The following KCNMA1 variants were observed in gnomAD, a reference collection of about 807,000 sequenced individuals.
KCNMA1 encodes Calcium-activated potassium channel subunit alpha-1.
A neutral mutation model predicts 140.0 loss-of-function variants in KCNMA1; 29 were observed. That is an observed-to-expected ratio of 0.21 (90% CI 0.15 to 0.28). The LOEUF is 0.28. Among genes scored for constraint, KCNMA1 ranks in the 10% least tolerant of loss-of-function variants. The probability of loss-of-function intolerance (pLI) is 1.00; values close to 1 mark genes in which losing one functional copy is unlikely to be tolerated. For synonymous variants in KCNMA1, 612 were observed against 611.9 expected, an observed-to-expected ratio of 1.00 and a Z score of 0.00; for missense variants, 880 against 1,602.2, an observed-to-expected ratio of 0.55 and a Z score of 7.70.
At chr10:77,028,029 G>C (rs1316263275) in intron 15 of KCNMA1, 138 bp from the exon 16 acceptor site, 1 of 787,274 alleles carries the variant, frequency 1.3e-6, no homozygotes, top group African/African-American at 1.7e-5. Flanking sequence ...TGTGCCAAAG[G>C]GAGGGGGTGG....
chr10:77,152,337 T>C (rs764655121), intron 5 of KCNMA1, among the ~76,000 whole-genome samples: 19 of 149,972 alleles, frequency 1.3e-4, no homozygotes, highest in Non-Finnish European at 2.9e-5. Flanking sequence ...TTTTGTAAAA[T>C]GGGATGTCTC....
chr10:77,136,872 C>A (rs187490660), intron 5 of KCNMA1, among the ~76,000 whole-genome samples: 1 of 152,094 alleles, frequency 6.6e-6, no homozygotes, highest in East Asian at 1.9e-4. Flanking sequence ...TTCCTGGCTC[C>A]GAGCCCTGTA....
chr10:77,295,008 T>C (rs1287351070), intron 2 of KCNMA1, among the ~76,000 whole-genome samples: 1 of 152,194 alleles, frequency 6.6e-6, no homozygotes, highest in East Asian at 1.9e-4. Context: ...ATGTTGTAGC[T>C]GTTTTTAAAG....
chr10:77,598,722 G>T (rs567158154), intron 1 of KCNMA1, among the ~76,000 whole-genome samples: 1 of 152,176 alleles, frequency 6.6e-6, no homozygotes, highest in Non-Finnish European at 1.5e-5. Context: ...CCAAACAACC[G>T]CCTGGCTCTC....
intron 2 of KCNMA1, among the ~76,000 whole-genome samples, chr10:77,402,296 GCAAGTCACCTC>G (rs1345232621): frequency 6.6e-6 from 1 of 152,172 alleles, no homozygotes; most frequent in Non-Finnish European, 1.5e-5. Flanking sequence ...TCAGCCAACA[GCAAGTCACCTC>G]CAAGTCCCCA....
intron 1 of KCNMA1, among the ~76,000 whole-genome samples, chr10:77,564,321 C>T (rs968416016): frequency 6.6e-6 from 1 of 152,128 alleles, no homozygotes; most frequent in Non-Finnish European, 1.5e-5. Context: ...GCCTGTAACA[C>T]GAGCACTTTG....
At chr10:77,327,261 A>G (rs528571980) in intron 2 of KCNMA1, among the ~76,000 whole-genome samples, 1 of 151,728 alleles carries the variant, frequency 6.6e-6, no homozygotes, top group South Asian at 2.1e-4. Context: ...CCTGTCATCA[A>G]GAGCTTCACC....
chr10:77,002,338 A>G (rs2086745894), intron 18 of KCNMA1, among the ~76,000 whole-genome samples: 1 of 152,238 alleles, frequency 6.6e-6, no homozygotes, highest in Non-Finnish European at 1.5e-5. Context: ...ATGTTGCTCT[A>G]TTGGAATGCA....
At chr10:77,021,260 G>A (rs1446612609) in intron 16 of KCNMA1, among the ~76,000 whole-genome samples, 1 of 152,078 alleles carries the variant, frequency 6.6e-6, no homozygotes, top group Non-Finnish European at 1.5e-5. Flanking sequence ...AATGGGTCCT[G>A]GCTTTGCAAA....
At chr10:77,272,114 T>C (rs1221500535) in intron 2 of KCNMA1, among the ~76,000 whole-genome samples, 3 of 152,184 alleles carry the variant, frequency 2.0e-5, no homozygotes, top group Non-Finnish European at 4.4e-5. Context: ...ATTTCCTTCA[T>C]TGGCTTATCA....
At chr10:77,259,154 C>T (rs541807655) in intron 2 of KCNMA1, among the ~76,000 whole-genome samples, 1 of 152,050 alleles carries the variant, frequency 6.6e-6, no homozygotes, top group African/African-American at 2.4e-5. Context: ...TAAATTGATT[C>T]ACTGGAAACC....
At chr10:77,210,628 C>T (rs2045750375) in intron 3 of KCNMA1, among the ~76,000 whole-genome samples, 1 of 152,178 alleles carries the variant, frequency 6.6e-6, no homozygotes, top group Non-Finnish European at 1.5e-5. Context: ...CAAACTACCT[C>T]TCTTCACTGA....
At chr10:77,049,378 A>C (rs2095266622) in intron 14 of KCNMA1, among the ~76,000 whole-genome samples, 1 of 152,238 alleles carries the variant, frequency 6.6e-6, no homozygotes, top group African/African-American at 2.4e-5. Flanking sequence ...GAATGAGATG[A>C]TCAGTACAGA....
intron 1 of KCNMA1, among the ~76,000 whole-genome samples, chr10:77,567,281 T>C (rs1325549171): frequency 6.6e-6 from 1 of 152,218 alleles, no homozygotes; most frequent in Non-Finnish European, 1.5e-5. Context: ...GTTAACCACA[T>C]TCAGGCCCCT....
At chr10:77,334,970 C>T (rs2088244927) in intron 2 of KCNMA1, among the ~76,000 whole-genome samples, 1 of 152,050 alleles carries the variant, frequency 6.6e-6, no homozygotes, top group Admixed American at 6.6e-5. Flanking sequence ...TCAGGCTAGC[C>T]ATATTCAAGT....
intron 1 of KCNMA1, among the ~76,000 whole-genome samples, chr10:77,529,260 G>C (rs190444271): frequency 2.7e-5 from 4 of 149,878 alleles, no homozygotes; most frequent in East Asian, 4.0e-4. Context: ...CACTCTGCCT[G>C]TGGTTTCCCA....
chr10:77,539,109 A>C (rs1473135407), intron 1 of KCNMA1, among the ~76,000 whole-genome samples: 1 of 152,042 alleles, frequency 6.6e-6, no homozygotes, highest in Non-Finnish European at 1.5e-5. Flanking sequence ...TACACCATTC[A>C]TAAACCAGCT....
At chr10:77,613,753 C>T (rs1368461721) in intron 1 of KCNMA1, among the ~76,000 whole-genome samples, 4 of 152,194 alleles carry the variant, frequency 2.6e-5, no homozygotes, top group Non-Finnish European at 5.9e-5. Context: ...AGGAACTTGG[C>T]TCCTCTCACG....
At chr10:77,060,867 C>A (rs1180883704) in intron 14 of KCNMA1, among the ~76,000 whole-genome samples, 3 of 152,038 alleles carry the variant, frequency 2.0e-5, no homozygotes, top group African/African-American at 4.8e-5. Flanking sequence ...GGGACAAGAG[C>A]CAAGGAATGT....
Sources: gnomAD v4.1 joint callset for allele counts (sites outside exome capture counted in the v4.1 genomes callset) on GRCh38, gnomAD v4.1.1 for gene constraint, MANE v1.5 for transcripts, NCBI Gene and HGNC (gene_info 2026-07-23, HGNC 2026-07-21) for gene names.